BBX: variants seen among roughly 807,000 people sequenced by gnomAD.
BBX encodes BBX high mobility group box domain containing, also known as HMG box transcription factor BBX.
A neutral mutation model predicts 100.2 loss-of-function variants in BBX; 30 were observed. That is an observed-to-expected ratio of 0.30 (90% CI 0.22 to 0.41). The LOEUF is 0.41. Ranked by LOEUF, BBX falls within the 10% of genes least tolerant of loss-of-function variation. The probability of loss-of-function intolerance (pLI) is 1.00; values close to 1 mark genes in which losing one functional copy is unlikely to be tolerated. For missense variants in BBX, 1,023 were observed against 1,129.8 expected (o/e 0.91, Z 1.35); for synonymous variants, 376 against 388.1 (o/e 0.97, Z 0.37).
chr3:107,787,363 A>G (rs2068543234), intron 13 of BBX, among the ~76,000 whole-genome samples: 1 of 152,190 alleles, frequency 6.6e-6, no homozygotes, highest in Non-Finnish European at 1.5e-5. Flanking sequence ...ATGCCGTAGC[A>G]TGGAGGAGCC....
At chr3:107,693,073 A>T (rs2108096026) in intron 3 of BBX, among the ~76,000 whole-genome samples, 1 of 143,600 alleles carries the variant, frequency 7.0e-6, no homozygotes, top group African/African-American at 2.6e-5. Context: ...AATTTGTTTG[A>T]GTTCATTGTA....
At chr3:107,606,835 A>G (rs1161303832) in intron 2 of BBX, among the ~76,000 whole-genome samples, 6 of 152,134 alleles carry the variant, frequency 3.9e-5, no homozygotes, top group Non-Finnish European at 5.9e-5. Flanking sequence ...TAAATGTATG[A>G]TTAAATTATT....
intron 2 of BBX, among the ~76,000 whole-genome samples, chr3:107,576,756 A>G (rs537729593): frequency 2.1e-4 from 32 of 152,270 alleles, no homozygotes; most frequent in Non-Finnish European, 3.2e-4. Flanking sequence ...TTGTTTTAAC[A>G]TTAGGGGCTT....
At chr3:107,746,123 G>A (rs1048180961) in intron 8 of BBX, among the ~76,000 whole-genome samples, 2 of 151,942 alleles carry the variant, frequency 1.3e-5, no homozygotes, top group East Asian at 3.9e-4. Flanking sequence ...GTTCTATTTT[G>A]TTCACTGCTT....
At chr3:107,699,030 A>G (rs2060861481) in intron 3 of BBX, among the ~76,000 whole-genome samples, 2 of 151,926 alleles carry the variant, frequency 1.3e-5, no homozygotes, top group South Asian at 2.1e-4. Flanking sequence ...TCATTCATTC[A>G]TTCATTTGCC....
At chr3:107,607,646 A>G (rs531191703) in intron 2 of BBX, among the ~76,000 whole-genome samples, 6 of 152,318 alleles carry the variant, frequency 3.9e-5, no homozygotes, top group East Asian at 1.9e-4. Flanking sequence ...ACCGTTCTCC[A>G]TAGTGGTTGT....
chr3:107,569,143 G>A (rs975715050), intron 2 of BBX, among the ~76,000 whole-genome samples: 1 of 152,164 alleles, frequency 6.6e-6, no homozygotes. Context: ...TTTTATTCAC[G>A]TGTTATTTCA....
intron 2 of BBX, among the ~76,000 whole-genome samples, chr3:107,639,179 T>A (rs932502896): frequency 6.6e-6 from 1 of 152,204 alleles, no homozygotes; most frequent in Non-Finnish European, 1.5e-5. Context: ...TAAATTTTTT[T>A]ATTAAGAATG....
chr3:107,624,668 A>C (rs191863828), intron 2 of BBX, among the ~76,000 whole-genome samples: 96 of 152,316 alleles, frequency 6.3e-4, no homozygotes, highest in Non-Finnish European at 1.2e-3. Flanking sequence ...CAGGAGTTTG[A>C]GACTAGCCTG....
intron 3 of BBX, among the ~76,000 whole-genome samples, chr3:107,660,779 G>C (rs2107855577): frequency 6.6e-6 from 1 of 152,224 alleles, no homozygotes; most frequent in Non-Finnish European, 1.5e-5. Flanking sequence ...TGATTATTTA[G>C]AAGAGTTTAA....
At chr3:107,639,509 A>G (rs1430204375) in intron 2 of BBX, among the ~76,000 whole-genome samples, 2 of 152,264 alleles carry the variant, frequency 1.3e-5, no homozygotes, top group East Asian at 3.9e-4. Context: ...GTTATTCCTG[A>G]TGTAGCTGCT....
intron 13 of BBX, among the ~76,000 whole-genome samples, chr3:107,786,445 A>C (rs1303139036): frequency 1.3e-5 from 2 of 152,212 alleles, no homozygotes; most frequent in African/African-American, 4.8e-5. Flanking sequence ...GAATAAAGAC[A>C]GACATATAAA....
At chr3:107,563,867 A>G (rs942585417) in intron 2 of BBX, among the ~76,000 whole-genome samples, 1 of 152,100 alleles carries the variant, frequency 6.6e-6, no homozygotes, top group Non-Finnish European at 1.5e-5. Context: ...AAAAGAGCAC[A>G]TTTTCTCGAC....
intron 1 of BBX, among the ~76,000 whole-genome samples, chr3:107,526,118 A>C (rs1401443135): frequency 1.3e-5 from 2 of 152,100 alleles, no homozygotes; most frequent in Non-Finnish European, 2.9e-5. Context: ...GTTGCCCCCC[A>C]GCCTCTGCCC....
At chr3:107,534,583 G>A (rs2048367076) in intron 2 of BBX, among the ~76,000 whole-genome samples, 1 of 152,000 alleles carries the variant, frequency 6.6e-6, no homozygotes, top group Non-Finnish European at 1.5e-5. Flanking sequence ...ATGGGAATAG[G>A]GAGTTGAGCT....
chr3:107,644,719 C>T (rs545679225), intron 2 of BBX, among the ~76,000 whole-genome samples: 198 of 152,110 alleles, frequency 1.3e-3, no homozygotes, highest in African/African-American at 4.6e-3. Flanking sequence ...TTTATCTATG[C>T]CCTTGTTTTA....
intron 5 of BBX, among the ~76,000 whole-genome samples, chr3:107,724,811 C>G (rs1226386724): frequency 6.6e-6 from 1 of 152,100 alleles, no homozygotes; most frequent in Non-Finnish European, 1.5e-5. Context: ...GTTACTGTAG[C>G]CTTGTAGTAT....
intron 7 of BBX, among the ~76,000 whole-genome samples, chr3:107,743,866 A>G (rs928259360): frequency 1.9e-4 from 29 of 148,962 alleles, no homozygotes; most frequent in Non-Finnish European, 1.5e-4. Context: ...TATTAACAGT[A>G]CTTATCTTTG....
intron 2 of BBX, among the ~76,000 whole-genome samples, chr3:107,609,427 T>A (rs1412380779): frequency 6.6e-6 from 1 of 152,134 alleles, no homozygotes; most frequent in Non-Finnish European, 1.5e-5. Context: ...ATTCCCCATC[T>A]CCTCTATTTT....
Sources: allele counts gnomAD v4.1 joint callset (sites outside exome capture counted in the v4.1 genomes callset), GRCh38; gene constraint gnomAD v4.1.1; transcripts MANE v1.5; gene names NCBI Gene and HGNC (gene_info 2026-07-23, HGNC 2026-07-21).